TCF7L2: variants seen among roughly 807,000 people sequenced by gnomAD.
The protein encoded by TCF7L2 is transcription factor 7-like 2.
In TCF7L2, 23 loss-of-function variants were observed where a neutral mutation model predicts 77.9. The observed-to-expected ratio is 0.30, with a 90% CI of 0.21 to 0.42. The LOEUF (loss-of-function observed/expected upper bound fraction) is 0.42. TCF7L2 is among the 10% of genes least tolerant of loss of function. The probability of loss-of-function intolerance (pLI) is 1.00; values close to 1 mark genes in which losing one functional copy is unlikely to be tolerated. For synonymous variants in TCF7L2, 413 were observed against 340.2 expected (o/e 1.21, Z -2.36); for missense variants, 654 against 793.1 (o/e 0.82, Z 2.11).
At chr10:112,980,122 G>A (rs2040207108) in intron 4 of TCF7L2, among the ~76,000 whole-genome samples, 1 of 152,186 alleles carries the variant, frequency 6.6e-6, no homozygotes, top group African/African-American at 2.4e-5. Flanking sequence ...GCATTTGTCA[G>A]GTTTATACTC....
chr10:113,050,533 A>G (rs557230526), intron 5 of TCF7L2, among the ~76,000 whole-genome samples: 1 of 152,250 alleles, frequency 6.6e-6, no homozygotes, highest in South Asian at 2.1e-4. Context: ...GAGGTAGAAA[A>G]TAAAGTCCCA....
chr10:112,968,909 G>A (rs1374754516), intron 4 of TCF7L2, among the ~76,000 whole-genome samples: 3 of 152,022 alleles, frequency 2.0e-5, no homozygotes, highest in East Asian at 3.9e-4. Context: ...GTGGGGGTTC[G>A]GTGTCCCTGG....
chr10:113,155,355 C>T (rs1188488007), intron 11 of TCF7L2, among the ~76,000 whole-genome samples: 1 of 152,156 alleles, frequency 6.6e-6, no homozygotes, highest in Non-Finnish European at 1.5e-5. Flanking sequence ...TTCTTTTCTT[C>T]TACCCATATC....
intron 5 of TCF7L2, among the ~76,000 whole-genome samples, chr10:113,135,614 G>A (rs2742281): frequency 6.6e-6 from 1 of 152,114 alleles, no homozygotes; most frequent in Non-Finnish European, 1.5e-5. Flanking sequence ...CAGAACTGAC[G>A]ACATAAAGTG....
intron 4 of TCF7L2, among the ~76,000 whole-genome samples, chr10:113,030,823 C>T (rs1031770193): frequency 1.1e-4 from 17 of 152,158 alleles, no homozygotes; most frequent in Non-Finnish European, 2.4e-4. Flanking sequence ...GTGGAGCTGA[C>T]ATTTGTTTGG....
intron 4 of TCF7L2, among the ~76,000 whole-genome samples, chr10:112,993,152 C>T (rs913973179): frequency 7.9e-5 from 12 of 152,162 alleles, no homozygotes; most frequent in Non-Finnish European, 2.9e-5. Flanking sequence ...TGTCCTCTCC[C>T]CACTCCATTT....
intron 11 of TCF7L2, among the ~76,000 whole-genome samples, chr10:113,153,363 C>T (rs968182789): frequency 3.9e-5 from 6 of 152,224 alleles, no homozygotes; most frequent in Admixed American, 3.9e-4. Context: ...GAAGGGATTT[C>T]ACCATCCACT....
chr10:113,076,358 G>A (rs1377949506), intron 5 of TCF7L2, among the ~76,000 whole-genome samples: 1 of 152,040 alleles, frequency 6.6e-6, no homozygotes, highest in Middle Eastern at 3.2e-3. Flanking sequence ...GGCTGGTTTC[G>A]AACTCCTGGC....
intron 5 of TCF7L2, among the ~76,000 whole-genome samples, chr10:113,078,961 T>C (rs1041037504): frequency 2.0e-5 from 3 of 151,994 alleles, no homozygotes; most frequent in Non-Finnish European, 2.9e-5. Context: ...GCCTCCCGAG[T>C]AGCTGGGATT....
intron 5 of TCF7L2, among the ~76,000 whole-genome samples, chr10:113,077,702 C>CTTCT (rs1555017355): frequency 1.1e-3 from 153 of 134,090 alleles, no homozygotes; most frequent in African/African-American, 4.1e-3. Flanking sequence ...TTCTTTTCTT[C>CTTCT]TTTTTTTTTT....
chr10:113,143,572 G>A (rs2068765723), intron 6 of TCF7L2, among the ~76,000 whole-genome samples: 1 of 152,190 alleles, frequency 6.6e-6, no homozygotes, highest in Non-Finnish European at 1.5e-5. Flanking sequence ...GAGCAACAGG[G>A]ATTACCATTG....
At chr10:113,040,980 C>T (rs1257411330) in intron 5 of TCF7L2, among the ~76,000 whole-genome samples, 3 of 152,182 alleles carry the variant, frequency 2.0e-5, no homozygotes, top group African/African-American at 7.2e-5. Context: ...ATGGGTTTTT[C>T]ATTTGAGTAT....
chr10:113,031,693 G>A (rs2050246044), intron 4 of TCF7L2, among the ~76,000 whole-genome samples: 1 of 152,006 alleles, frequency 6.6e-6, no homozygotes, highest in East Asian at 1.9e-4. Flanking sequence ...TCACCATGTT[G>A]GCCAGGCTGG....
intron 5 of TCF7L2, among the ~76,000 whole-genome samples, chr10:113,137,639 A>G (rs1380625775): frequency 6.6e-6 from 1 of 152,254 alleles, no homozygotes; most frequent in Non-Finnish European, 1.5e-5. Flanking sequence ...TGGATGGTCC[A>G]GAAGGACCAC....
intron 5 of TCF7L2, among the ~76,000 whole-genome samples, chr10:113,124,505 A>G (rs1438126864): frequency 1.3e-5 from 2 of 152,162 alleles, no homozygotes; most frequent in East Asian, 1.9e-4. Context: ...GACAACTTAT[A>G]TGGAGCAAGC....
chr10:113,003,859 G>A (rs886125215), intron 4 of TCF7L2, among the ~76,000 whole-genome samples: 9 of 152,220 alleles, frequency 5.9e-5, no homozygotes, highest in African/African-American at 1.9e-4. Flanking sequence ...CAGGCTCTGT[G>A]CTTGGTGGAA....
intron 13 of TCF7L2, among the ~76,000 whole-genome samples, chr10:113,162,628 C>T (rs1022177009): frequency 3.3e-5 from 5 of 152,226 alleles, no homozygotes; most frequent in Non-Finnish European, 5.9e-5. Context: ...CGCTGAGCCC[C>T]TGGTCCTAGG....
At chr10:113,072,816 T>C (rs771678469) in intron 5 of TCF7L2, among the ~76,000 whole-genome samples, 8 of 152,212 alleles carry the variant, frequency 5.3e-5, no homozygotes, top group Non-Finnish European at 7.3e-5. Flanking sequence ...GCAAGCAATC[T>C]GTTGTTTCTT....
At chr10:112,969,410 C>T (rs2037736507) in intron 4 of TCF7L2, among the ~76,000 whole-genome samples, 1 of 152,160 alleles carries the variant, frequency 6.6e-6, no homozygotes, top group Non-Finnish European at 1.5e-5. Context: ...GGAGTGCTTC[C>T]AGTTTTTTTG....
Sources: gnomAD v4.1 joint callset for allele counts (sites outside exome capture counted in the v4.1 genomes callset) on GRCh38, gnomAD v4.1.1 for gene constraint, MANE v1.5 for transcripts, NCBI Gene and HGNC (gene_info 2026-07-23, HGNC 2026-07-21) for gene names.